SDC3: variants seen among roughly 807,000 people sequenced by gnomAD.
SDC3 encodes the protein syndecan-3.
In SDC3, 13 loss-of-function variants were observed where a neutral mutation model predicts 24.4. The ratio of observed to expected loss-of-function variants is 0.53; its 90% CI spans 0.35 to 0.85. The LOEUF (loss-of-function observed/expected upper bound fraction) is 0.85. Among genes scored for constraint, SDC3 ranks in the 40% least tolerant of loss-of-function variants. The probability of loss-of-function intolerance (pLI) is 0.01; values close to 1 mark genes in which losing one functional copy is unlikely to be tolerated. For synonymous variants in SDC3, 295 were observed against 260.9 expected (o/e 1.13, Z -1.26); for missense variants, 571 against 584.5 (o/e 0.98, Z 0.24).
chr1:30,907,687 G>C (rs1041746338), intron 1 of SDC3, among the ~76,000 whole-genome samples: 1 of 151,982 alleles, frequency 6.6e-6, no homozygotes, highest in Non-Finnish European at 1.5e-5. Flanking sequence ...CCATGTGGCA[G>C]ACACATCCTT....
intron 1 of SDC3, among the ~76,000 whole-genome samples, chr1:30,884,746 C>T (rs1403243559): frequency 1.3e-5 from 2 of 152,164 alleles, no homozygotes; most frequent in Admixed American, 6.5e-5. Context: ...GGTCTAAGGG[C>T]CTTTCTGATT....
chr1:30,874,654 T>G, intron 3 of SDC3, 66 bp from the exon 4 acceptor site: 1 of 1,481,980 alleles, frequency 6.7e-7, no homozygotes, highest in South Asian at 1.2e-5. Flanking sequence ...ACCACCATCC[T>G]ACTGCCCTGG....
chr1:30,873,430 C>A (rs1417585234), intron 4 of SDC3, 53 bp from the exon 5 acceptor site: 4 of 1,440,272 alleles, frequency 2.8e-6, no homozygotes, highest in East Asian at 4.6e-5. Flanking sequence ...AGAACCAGGG[C>A]AAAGGGTCCT....
At position 30,878,815 on chromosome 1, in the gene SDC3, G is replaced by A. The variant is rs997490684; in HGVS notation, c.139-75C>T. The A allele has an allele frequency of 1.2e-5, 15 of 1,200,988 alleles. No individual in the cohort carries two copies. In the African/African-American group the frequency reaches 2.1e-4, roughly 17 times the overall value. 74.4% of individuals were successfully genotyped at this position (1,200,988 alleles called of 1,614,324 possible). A position where few individuals can be genotyped will look rare whatever the true frequency, so the allele number is the denominator to read the frequency against. On this transcript the variant is annotated intron_variant, in intron 1 of 4. Transcript: ENST00000339394. ...CTGGGTGAGCCCAGAAGGGCGACAG[G>A]TGCCCTTGTGGGCTGAGTGACATCC...
chr1:30,869,643 C>G lies in SDC3; in HGVS notation c.*3568G>C. The G allele has an allele frequency of 2.5e-6, 1 of 398,092 alleles. No homozygotes were observed. 24.7% of individuals were successfully genotyped at this position (398,092 alleles called of 1,614,324 possible). ...CAGGCGCCTTGGTCTCTTTTTTCCA[C>G]TGTCTTTTTCTTTTGTTTTTCTTAT... On this transcript the variant is annotated 3_prime_UTR_variant, in exon 5 of 5. Transcript: ENST00000339394.
At chr1:30,889,916 G>A (rs1419547324) in intron 1 of SDC3, among the ~76,000 whole-genome samples, 3 of 152,062 alleles carry the variant, frequency 2.0e-5, no homozygotes, top group Non-Finnish European at 4.4e-5. Flanking sequence ...ATTCATAATA[G>A]CCAAAAGATT....
chr1:30,888,532 TC>T (rs1425486002), intron 1 of SDC3, among the ~76,000 whole-genome samples: 1 of 151,734 alleles, frequency 6.6e-6, no homozygotes, highest in Non-Finnish European at 1.5e-5. Context: ...CCCAAAGCCC[TC>T]CCCACACACA....
chr1:30,876,871 G>A lies in SDC3; in HGVS notation c.551C>T (p.Ala184Val), dbSNP rs147192065. 42 of 1,613,320 alleles carry A rather than the reference G, an allele frequency of 2.6e-5. No homozygotes were observed. In the African/African-American group the frequency reaches 4.5e-4, roughly 17 times the overall value. ...TGCAGGGGTGCTGGGGGTGGCGGTG[G>A]CCACTGTGGCAGGCACTGTGGCCAC... ...PTVATVPATVATATPSTPAAP... is the reference protein window; with the variant it reads ...PTVATVPATVVTATPSTPAAP... Residue 184 changes from alanine (A) to valine (V), a missense_variant, in exon 3 of 5, where the codon GCC becomes GTC. Physicochemically the swap from Ala to Val is moderately conservative, Grantham distance 64. Around this residue, in one of 2 missense-constraint regions of SDC3, gnomAD observed 497 missense variants for 471.6 expected, o/e 1.05. Transcript: ENST00000339394.
At chr1:30,900,112 C>T (rs1400789767) in intron 1 of SDC3, among the ~76,000 whole-genome samples, 1 of 152,198 alleles carries the variant, frequency 6.6e-6, no homozygotes, top group Non-Finnish European at 1.5e-5. Context: ...AGCACCCAGG[C>T]TCCAGGCTCA....
intron 1 of SDC3, among the ~76,000 whole-genome samples, chr1:30,885,305 G>A (rs1293191332): frequency 4.0e-5 from 6 of 151,078 alleles, no homozygotes; most frequent in African/African-American, 1.5e-4. Context: ...TGTAGAACTT[G>A]ATCCTGTTTT....
chr1:30,882,485 AGC>A (rs1256006352), intron 1 of SDC3, among the ~76,000 whole-genome samples: 1 of 152,200 alleles, frequency 6.6e-6, no homozygotes, highest in Admixed American at 6.5e-5. Context: ...GTTTTAGAGC[AGC>A]AGCTGGGGAG....
rs1639529273 is a variant in SDC3 at position 30,871,230 on chromosome 1, T to C, written c.*1981A>G. On this transcript the variant is annotated 3_prime_UTR_variant, in exon 5 of 5. Coordinates refer to ENST00000339394, the MANE Select transcript of SDC3 (RefSeq NM_014654.4). ...ACCGCTACCCCTCATCCTGCAGAAA[T>C]CTGCTGCCAGGGCATCTTGAAAAGG... The C allele has an allele frequency of 6.6e-6, 1 of 152,158 alleles. No individual in the cohort carries two copies. The highest frequency in any genetic ancestry group is 1.5e-5 in the Non-Finnish European group (1 of 68,048). 9.4% of individuals were successfully genotyped at this position (152,158 alleles called of 1,614,324 possible).
intron 1 of SDC3, among the ~76,000 whole-genome samples, chr1:30,906,220 T>C (rs1638516593): frequency 1.3e-5 from 2 of 152,166 alleles, no homozygotes; most frequent in Admixed American, 6.5e-5. Flanking sequence ...ACAAGAGGGA[T>C]GATGCCCCTC....
chr1:30,876,737 C>A lies in SDC3; in HGVS notation c.685G>T (p.Ala229Ser). The change falls in exon 3 of 5, where the codon GCG (alanine) becomes TCG (serine). Residue 229 changes from alanine (A) to serine (S), a missense_variant. Transcript: ENST00000339394. ...GCCGCCGTGGTGGGCGGGGAGGGCG[C>A]CTCGGGGGTAGTGGCCCGTGCCGTA... is the stretch of plus-strand genomic sequence containing the variant. ...VATARATTPE[A>S]PSPPTTAAVL... 1 of 1,590,142 alleles carries A rather than the reference C, an allele frequency of 6.3e-7. No homozygotes were observed. The highest frequency in any genetic ancestry group is 8.6e-7 in the Non-Finnish European group (1 of 1,167,884).
intron 1 of SDC3, among the ~76,000 whole-genome samples, chr1:30,897,179 G>A (rs1328256197): frequency 2.0e-5 from 3 of 152,200 alleles, no homozygotes; most frequent in East Asian, 3.8e-4. Context: ...TAGTACAGGG[G>A]ATAGTGCCCT....
intron 1 of SDC3, among the ~76,000 whole-genome samples, chr1:30,895,983 C>T (rs1258225393): frequency 6.6e-6 from 1 of 152,130 alleles, no homozygotes; most frequent in Non-Finnish European, 1.5e-5. Flanking sequence ...AGTCTGTCCA[C>T]CCTCCAGAAA....
chr1:30,905,256 C>T (rs930655422), intron 1 of SDC3, among the ~76,000 whole-genome samples: 3 of 151,842 alleles, frequency 2.0e-5, no homozygotes, highest in African/African-American at 7.3e-5. Context: ...GGAACGGAAA[C>T]CACCAGGCCT....
At chr1:30,903,880 C>T (rs1285317978) in intron 1 of SDC3, among the ~76,000 whole-genome samples, 4 of 152,116 alleles carry the variant, frequency 2.6e-5, no homozygotes, top group Admixed American at 1.3e-4. Context: ...GGCTGTGTGA[C>T]TTTGAGTAAG....
At chr1:30,890,554 G>T (rs993342391) in intron 1 of SDC3, among the ~76,000 whole-genome samples, 1 of 152,102 alleles carries the variant, frequency 6.6e-6, no homozygotes, top group Non-Finnish European at 1.5e-5. Context: ...TGATAAAAAC[G>T]TTCTAAATTT....
Sources: allele counts gnomAD v4.1 joint callset (sites outside exome capture counted in the v4.1 genomes callset), GRCh38; gene constraint gnomAD v4.1.1; regional missense constraint gnomAD v4.1.1; transcripts MANE v1.5; gene names NCBI Gene and HGNC (gene_info 2026-07-23, HGNC 2026-07-21).